Variants in C6 observed in about 807,000 individuals in gnomAD.
The protein encoded by C6 is complement C6.
Under a neutral mutation model 112.9 loss-of-function variants are expected in C6, and 101 were observed. The ratio of observed to expected loss-of-function variants is 0.89; its 90% confidence interval spans 0.76 to 1.06. The LOEUF is 1.06. C6 is among the 50% of genes least tolerant of loss of function. C6 has a pLI of 0.00. For missense variants in C6, 1,202 were observed against 1,104.6 expected (o/e 1.09, Z -1.25); for synonymous variants, 431 against 384.1 (o/e 1.12, Z -1.43).
At chr5:41,178,025 G>C (rs1339641915) in intron 7 of C6, among the ~76,000 whole-genome samples, 2 of 151,954 alleles carry the variant, frequency 1.3e-5, no homozygotes, top group African/African-American at 4.8e-5. Context: ...TTTCTTTAAG[G>C]TCTCAGTCGT....
intron 5 of C6, 96 bp from the exon 6 acceptor site, chr5:41,186,304 T>G (rs555942702): frequency 1.5e-6 from 2 of 1,376,388 alleles, no homozygotes; most frequent in Non-Finnish European, 2.0e-6. Context: ...CTAAACCTTT[T>G]TGCCTCAAGA....
At chr5:41,220,020 AT>A (rs376046088) in intron 1 of C6, among the ~76,000 whole-genome samples, 13 of 152,042 alleles carry the variant, frequency 8.6e-5, no homozygotes, top group African/African-American at 3.1e-4. Context: ...TGAGGTGGTC[AT>A]TTTTTAAAAT....
At chr5:41,195,426 C>G (rs1392183086) in intron 5 of C6, among the ~76,000 whole-genome samples, 1 of 152,166 alleles carries the variant, frequency 6.6e-6, no homozygotes, top group Non-Finnish European at 1.5e-5. Context: ...TGGTTACTCA[C>G]CCATTCAAGG....
intron 1 of C6, among the ~76,000 whole-genome samples, chr5:41,228,581 G>T (rs1345540220): frequency 6.6e-6 from 1 of 152,130 alleles, no homozygotes; most frequent in African/African-American, 2.4e-5. Flanking sequence ...TATGATTTTA[G>T]CTGTGGGTTT....
intron 1 of C6, among the ~76,000 whole-genome samples, chr5:41,207,852 T>C (rs902174975): frequency 6.6e-6 from 1 of 152,150 alleles, no homozygotes; most frequent in Non-Finnish European, 1.5e-5. Flanking sequence ...ATCCAGGAAT[T>C]GAACTCAGCT....
intron 9 of C6, among the ~76,000 whole-genome samples, chr5:41,170,571 C>T (rs1374534803): frequency 5.9e-5 from 9 of 151,754 alleles, no homozygotes; most frequent in Non-Finnish European, 1.2e-4. Context: ...GCCTTTGTGC[C>T]CTCTTTTTCT....
chr5:41,212,589 A>G (rs935845330), intron 1 of C6, among the ~76,000 whole-genome samples: 1 of 152,212 alleles, frequency 6.6e-6, no homozygotes, highest in African/African-American at 2.4e-5. Context: ...ATCTAAAATT[A>G]CACACAGGCA....
At chr5:41,215,972 A>G (rs949557585), upstream of C6, among the ~76,000 whole-genome samples, 1 of 152,112 alleles carries the variant, frequency 6.6e-6, no homozygotes, top group African/African-American at 2.4e-5. Context: ...GACCCCATCT[A>G]TTTCAAAAAC....
At chr5:41,206,437 G>A (rs554737331) in intron 1 of C6, among the ~76,000 whole-genome samples, 2 of 152,316 alleles carry the variant, frequency 1.3e-5, no homozygotes, top group South Asian at 2.1e-4. Flanking sequence ...TGAGCTAAAG[G>A]AGGATGTTTG....
At chr5:41,225,296 A>G (rs1476099315) in intron 1 of C6, among the ~76,000 whole-genome samples, 1 of 141,342 alleles carries the variant, frequency 7.1e-6, no homozygotes, top group Admixed American at 7.5e-5. Flanking sequence ...CTTCCCACCT[A>G]TGAGTGAGAA....
upstream of C6, among the ~76,000 whole-genome samples, chr5:41,217,130 G>C (rs1010151457): frequency 2.0e-5 from 3 of 151,762 alleles, no homozygotes; most frequent in African/African-American, 7.3e-5. Context: ...CTCTTCTTTG[G>C]GGGCCATTCC....
At chr5:41,201,744 A>G in intron 2 of C6, 30 bp from the exon 3 acceptor site, 2 of 1,584,454 alleles carry the variant, frequency 1.3e-6, no homozygotes, top group Non-Finnish European at 1.7e-6. Context: ...GTTGCTTAGA[A>G]TGAGTGTATT....
chr5:41,157,993 A>G (rs1444331570), intron 13 of C6, among the ~76,000 whole-genome samples: 1 of 152,166 alleles, frequency 6.6e-6, no homozygotes, highest in East Asian at 1.9e-4. Flanking sequence ...TTGATCTTTT[A>G]TCATAAGTGT....
At chr5:41,240,701 T>G (rs1395748390) in intron 1 of C6, among the ~76,000 whole-genome samples, 7 of 152,036 alleles carry the variant, frequency 4.6e-5, no homozygotes, top group African/African-American at 1.7e-4. Context: ...CATGCTTGAG[T>G]GCCAGCTGCA....
chr5:41,261,435 T>C (rs2150450225), exon 1 of C6: 1 of 154,332 alleles, frequency 6.5e-6, no homozygotes, highest in Non-Finnish European at 1.4e-5. Context: ...CGGGTATATT[T>C]TAGGGAGAAA....
chr5:41,214,243 C>T (rs763739397), upstream of C6, among the ~76,000 whole-genome samples: 1 of 152,192 alleles, frequency 6.6e-6, no homozygotes, highest in Non-Finnish European at 1.5e-5. Flanking sequence ...CATTGGAACA[C>T]TGGTCCCTCA....
At position 41,225,481 on chromosome 5, in the gene C6, G is replaced by T. The variant is rs561920516; in HGVS notation, c.-20-22231C>A. On this transcript the variant is annotated intron_variant, in intron 1 of 17. Transcript: ENST00000263413. ...CCAGTCTATCATTGTTGGACATTTG[G>T]GTTGGTTCCAAGTCTTTGCTATTGT... Among the ~76,000 whole-genome samples the T allele has an allele frequency of 4.0e-4, 61 of 152,228 alleles. 1 individual carries two copies. The highest frequency in any genetic ancestry group is 1.4e-3 in the African/African-American group (58 of 41,498).
chr5:41,177,570 C>A (rs1166961418), intron 7 of C6, among the ~76,000 whole-genome samples: 1 of 152,028 alleles, frequency 6.6e-6, no homozygotes, highest in Non-Finnish European at 1.5e-5. Flanking sequence ...GAGTAAGGAC[C>A]ATGTTTTAGC....
intron 5 of C6, among the ~76,000 whole-genome samples, chr5:41,189,847 G>A (rs1442305863): frequency 6.6e-6 from 1 of 152,020 alleles, no homozygotes; most frequent in Non-Finnish European, 1.5e-5. Flanking sequence ...GCTTCTGCAT[G>A]TGAGTGAGAA....
Sources: gnomAD v4.1 joint callset for allele counts (sites outside exome capture counted in the v4.1 genomes callset) on GRCh38, gnomAD v4.1.1 for gene constraint, MANE v1.5 for transcripts, NCBI Gene and HGNC (gene_info 2026-07-23, HGNC 2026-07-21) for gene names.